C10orf143: variants seen among roughly 807,000 people sequenced by gnomAD.
C10orf143 encodes chromosome 10 open reading frame 143.
intron 3 of C10orf143, among the ~76,000 whole-genome samples, chr10:130,042,680 C>T (rs1252816678): frequency 6.6e-6 from 1 of 152,194 alleles, no homozygotes; most frequent in Non-Finnish European, 1.5e-5. Flanking sequence ...GTCCTTTGAT[C>T]CAGAGCTGCC....
intron 1 of C10orf143, among the ~76,000 whole-genome samples, chr10:130,086,242 C>A (rs1160889941): frequency 2.0e-5 from 3 of 152,190 alleles, no homozygotes; most frequent in Admixed American, 6.5e-5. Flanking sequence ...TCCCCTGCAA[C>A]CCCCTCAGCT....
chr10:130,092,177 T>A (rs1370467024), intron 1 of C10orf143, among the ~76,000 whole-genome samples: 4 of 152,168 alleles, frequency 2.6e-5, no homozygotes, highest in Non-Finnish European at 5.9e-5. Flanking sequence ...AAGGTTGGGT[T>A]ACCCACAAAG....
chr10:130,078,850 C>T (rs1368049616), intron 3 of C10orf143, among the ~76,000 whole-genome samples: 1 of 151,844 alleles, frequency 6.6e-6, no homozygotes, highest in Non-Finnish European at 1.5e-5. Context: ...CTCAGAAATA[C>T]ACATATACAC....
chr10:130,106,880 G>T (rs1564972764), intron 1 of C10orf143: 1 of 1,082,672 alleles, frequency 9.2e-7, no homozygotes, highest in Non-Finnish European at 1.4e-6. Context: ...AGATTGGGCT[G>T]CTAGGCTTAG....
At chr10:130,049,479 G>A (rs1385176061) in intron 3 of C10orf143, among the ~76,000 whole-genome samples, 2 of 152,236 alleles carry the variant, frequency 1.3e-5, no homozygotes, top group African/African-American at 2.4e-5. Context: ...CAGCCCCTGG[G>A]CCAGCCAGAT....
At chr10:130,043,617 G>A (rs1482233238) in intron 3 of C10orf143, among the ~76,000 whole-genome samples, 1 of 152,170 alleles carries the variant, frequency 6.6e-6, no homozygotes, top group Non-Finnish European at 1.5e-5. Flanking sequence ...CAGGTTGGGG[G>A]AACAAACCCC....
intron 1 of C10orf143, among the ~76,000 whole-genome samples, chr10:130,088,729 T>C (rs543368605): frequency 1.4e-4 from 21 of 152,322 alleles, no homozygotes; most frequent in Middle Eastern, 6.8e-3. Context: ...TAATGCTGGA[T>C]GGAACAAGAT....
intron 3 of C10orf143, among the ~76,000 whole-genome samples, chr10:130,040,736 G>A (rs1235384779): frequency 6.6e-6 from 1 of 152,138 alleles, no homozygotes; most frequent in Non-Finnish European, 1.5e-5. Context: ...AGGAGGCTGG[G>A]GCAGCAGAAT....
intron 1 of C10orf143, among the ~76,000 whole-genome samples, chr10:130,110,201 G>T (rs1397536272): frequency 6.6e-6 from 1 of 152,098 alleles, no homozygotes; most frequent in African/African-American, 2.4e-5. Flanking sequence ...TCAGTTAATG[G>T]ACTCAGCCCA....
At chr10:130,094,102 ACACAAATAAACT>A (rs1327536300) in intron 1 of C10orf143, among the ~76,000 whole-genome samples, 5 of 152,130 alleles carry the variant, frequency 3.3e-5, no homozygotes, top group African/African-American at 1.2e-4. Context: ...AAACGGCTCT[ACACAAATAAACT>A]CAAAAATCTA....
chr10:130,069,581 T>G (rs962473558), intron 3 of C10orf143, among the ~76,000 whole-genome samples: 3 of 151,532 alleles, frequency 2.0e-5, no homozygotes, highest in Non-Finnish European at 4.4e-5. Context: ...TGCTGGATAT[T>G]AGTTCTACTA....
chr10:130,041,282 G>C (rs1860603952), intron 3 of C10orf143, among the ~76,000 whole-genome samples: 6 of 152,228 alleles, frequency 3.9e-5, no homozygotes, highest in Admixed American at 3.3e-4. Context: ...TCACCAGCTT[G>C]ACCTCTACTG....
intron 1 of C10orf143, among the ~76,000 whole-genome samples, chr10:130,105,468 C>G (rs1590037641): frequency 6.6e-6 from 1 of 152,244 alleles, no homozygotes; most frequent in Middle Eastern, 3.4e-3. Flanking sequence ...CGGTGTCTCA[C>G]GCCTGTAATC....
chr10:130,101,435 G>C (rs972187623), intron 1 of C10orf143, among the ~76,000 whole-genome samples: 3 of 152,120 alleles, frequency 2.0e-5, no homozygotes, highest in Non-Finnish European at 4.4e-5. Flanking sequence ...GGAGCAGAGA[G>C]AGGGTGGCTG....
At chr10:130,088,349 A>G (rs951301662) in intron 1 of C10orf143, among the ~76,000 whole-genome samples, 1 of 152,176 alleles carries the variant, frequency 6.6e-6, no homozygotes, top group African/African-American at 2.4e-5. Context: ...GCGCCATTGC[A>G]CTCCAGCCTC....
chr10:130,044,809 T>C (rs933503212), intron 3 of C10orf143, among the ~76,000 whole-genome samples: 2 of 152,146 alleles, frequency 1.3e-5, no homozygotes, highest in African/African-American at 4.8e-5. Context: ...GCCACCTGTG[T>C]ACCCCAGAAA....
downstream of C10orf143, among the ~76,000 whole-genome samples, chr10:130,059,755 TAG>T (rs1254305007): frequency 1.3e-5 from 2 of 152,054 alleles, no homozygotes; most frequent in African/African-American, 4.8e-5. Context: ...GATCCTTGCA[TAG>T]AGAGAGATAC....
In C10orf143 at chr10:130,108,564, T is replaced by G; in HGVS notation, c.69+2140A>C. ...AAATTGAAACTTAATGGAATTATAA[T>G]TCTTAGGATAGTATTTTGTAAATAA... On this transcript the variant is annotated intron_variant, in intron 1 of 3. Coordinates refer to ENST00000637128, the MANE Select transcript of C10orf143 (RefSeq NM_001355042.2). The G allele has an allele frequency of 1.5e-5, 9 of 598,662 alleles. No individual in the cohort carries two copies. The South Asian group carries it at 1.8e-4, about 12-fold the overall frequency. 37.1% of individuals were successfully genotyped at this position (598,662 alleles called of 1,614,324 possible).
chr10:130,049,673 C>T (rs1399193100), intron 3 of C10orf143, among the ~76,000 whole-genome samples: 2 of 152,198 alleles, frequency 1.3e-5, no homozygotes, highest in Non-Finnish European at 2.9e-5. Context: ...ACGCTGACTT[C>T]GCAGTCACTT....
Sources: allele counts gnomAD v4.1 joint callset (sites outside exome capture counted in the v4.1 genomes callset), GRCh38; gene constraint gnomAD v4.1.1; transcripts MANE v1.5; gene names NCBI Gene and HGNC (gene_info 2026-07-23, HGNC 2026-07-21).